Variants in PIGT observed in about 807,000 individuals in gnomAD.
PIGT encodes GPI-anchor transamidase component PIGT.
In PIGT, 57 loss-of-function variants were observed where a neutral mutation model predicts 66.7. That is an observed-to-expected ratio of 0.86 (90% CI 0.69 to 1.07). The LOEUF (loss-of-function observed/expected upper bound fraction) is 1.07. PIGT is among the 50% of genes least tolerant of loss of function. The pLI is 0.00. For missense variants in PIGT, 725 were observed against 740.4 expected, an observed-to-expected ratio of 0.98 and a Z score of 0.24; for synonymous variants, 362 against 320.5, an observed-to-expected ratio of 1.13 and a Z score of -1.38.
At chr20:45,421,736 G>A (rs1477837454) in intron 9 of PIGT, 153 bp downstream of exon 9, 5 of 639,328 alleles carry the variant, frequency 7.8e-6, no homozygotes, top group South Asian at 5.9e-5. Context: ...AAACTGGAAC[G>A]GGAGCCTCAC....
intron 9 of PIGT, chr20:45,423,634 C>G (rs935711996): frequency 4.6e-5 from 7 of 152,548 alleles, no homozygotes; most frequent in Non-Finnish European, 8.8e-5. Flanking sequence ...CAGAATGTCC[C>G]TTATTATAAA....
chr20:45,423,636 TA>T (rs1222549102), intron 9 of PIGT: 2 of 152,540 alleles, frequency 1.3e-5, no homozygotes, highest in Non-Finnish European at 2.9e-5. Flanking sequence ...GAATGTCCCT[TA>T]TTATAAATGT....
At position 45,419,489 on chromosome 20, in the gene PIGT, T is replaced by TTCCATCTCC; in HGVS notation, c.595-10_595-2dup. On this transcript the variant is annotated splice_polypyrimidine_tract_variant and intron_variant, in intron 4 of 11. Coordinates refer to ENST00000279036, the MANE Select transcript of PIGT (RefSeq NM_015937.6). ...TCCATACAGGGCTTCTCTTATCTCT[T>TTCCATCTCC]TCCATCTCCTCCAGGCAGGCCTCTC... 1 of 1,614,126 alleles carries TTCCATCTCC rather than the reference T, an allele frequency of 6.2e-7. No homozygotes were observed. The highest frequency in any genetic ancestry group is 8.5e-7 in the Non-Finnish European group (1 of 1,179,968).
Position 45,419,362 on chromosome 20 carries a change from C to T in PIGT, c.561C>T (p.Thr187=). Reference sequence around the variant, plus strand: ...AGGTGGTCTGCACCGAAAACCTCACCCCCTGGAAGAAGCTCTTGCCCTGTA... The same window carrying T: ...AGGTGGTCTGCACCGAAAACCTCACTCCCTGGAAGAAGCTCTTGCCCTGTA... The part of the protein sequence containing the change: ...PREVVCTENL[T]PWKKLLPCSS... Residue 187 remains threonine, a synonymous_variant, in exon 4 of 12, where the codon ACC becomes ACT. Transcript: ENST00000279036. 2.5e-6 allele frequency: 4 copies of T among 1,614,002 alleles called. No homozygotes were observed. Among genetic ancestry groups the T allele is most frequent in the Non-Finnish European group, 3.4e-6 (4 of 1,179,892 alleles).
chr20:45,422,811 T>G (rs1254451492), intron 9 of PIGT: 2 of 152,236 alleles, frequency 1.3e-5, no homozygotes, highest in African/African-American at 4.8e-5. Flanking sequence ...ACCGTATCAT[T>G]ACCACTTCTG....
intron 9 of PIGT, 134 bp downstream of exon 9, chr20:45,421,717 A>G: frequency 1.5e-6 from 1 of 687,552 alleles, no homozygotes; most frequent in Non-Finnish European, 2.5e-6. Context: ...AGTAAGGAAT[A>G]GTTTCTCAAA....
intron 2 of PIGT, 181 bp downstream of exon 2, chr20:45,416,875 T>C (rs921295941): frequency 9.5e-6 from 5 of 528,446 alleles, no homozygotes; most frequent in Admixed American, 7.5e-5. Context: ...ATCCTAAAAC[T>C]TTCAGACCTG....
intron 5 of PIGT, 72 bp from the exon 6 acceptor site, chr20:45,420,064 G>A: frequency 3.8e-6 from 4 of 1,049,484 alleles, no homozygotes; most frequent in South Asian, 2.7e-5. Context: ...TTGAGTCTGA[G>A]TAGGAGTCTT....
chr20:45,419,369 A>C lies in PIGT; in HGVS notation c.568A>C (p.Lys190Gln). 6.2e-7 allele frequency: 1 copy of C among 1,614,024 alleles called. No individual in the cohort carries two copies. The highest frequency in any genetic ancestry group is 8.5e-7 in the Non-Finnish European group (1 of 1,179,926). Residue 190 changes from lysine (K) to glutamine (Q), a missense_variant, in exon 4 of 12, where the codon AAG becomes CAG. By Grantham distance (53) the Lys-to-Gln change is moderately conservative (BLOSUM62 1). Around this residue, in one of 3 missense-constraint regions of PIGT, gnomAD observed 559 missense variants for 552.7 expected, o/e 1.01. Coordinates refer to ENST00000279036, the MANE Select transcript of PIGT (RefSeq NM_015937.6). ...VVCTENLTPW[K>Q]KLLPCSSKAG... The stretch of plus-strand genomic sequence containing the variant: ...CTGCACCGAAAACCTCACCCCCTGG[A>C]AGAAGCTCTTGCCCTGTAGTTCCAA...
In PIGT at chr20:45,426,013, A is replaced by G. The variant is rs2145478884; in HGVS notation, c.*187A>G. The G allele has an allele frequency of 4.6e-6, 3 of 655,652 alleles. No homozygotes were observed. The highest frequency in any genetic ancestry group is 7.7e-6 in the Non-Finnish European group (3 of 389,036). 40.6% of individuals were successfully genotyped at this position (655,652 alleles called of 1,614,324 possible). The stretch of plus-strand genomic sequence containing the variant: ...CAAATGTGGCATTTGAATTTGAATT[A>G]ACTTAGAAATTCATTTCCTCACCTG... On this transcript the variant is annotated 3_prime_UTR_variant, in exon 12 of 12. Transcript: ENST00000279036.
intron 2 of PIGT, chr20:45,417,742 C>G (rs1269964723): frequency 6.6e-6 from 1 of 152,144 alleles, no homozygotes. Context: ...GTTGTGCATA[C>G]CAAATGAAGC....
chr20:45,416,142 G>A lies in PIGT; in HGVS notation c.-15G>A, dbSNP rs1348585475. 3 of 1,545,328 alleles carry A rather than the reference G, an allele frequency of 1.9e-6. No homozygotes were observed. Among genetic ancestry groups the A allele is most frequent in the South Asian group, 1.2e-5 (1 of 83,996 alleles). On this transcript the variant is annotated 5_prime_UTR_variant, in exon 1 of 12. Coordinates refer to ENST00000279036, the MANE Select transcript of PIGT (RefSeq NM_015937.6). ...GGGGCCGAGCGCCGCTGGGTAGGCG[G>A]AAGTAGCCGCAGGCATGGCGGCGGC... is the stretch of plus-strand genomic sequence containing the variant.
intron 9 of PIGT, chr20:45,423,146 C>G (rs2145463467): frequency 7.3e-6 from 1 of 137,632 alleles, no homozygotes; most frequent in South Asian, 2.4e-4. Context: ...CTCACTGCAA[C>G]CTCCACCTCC....
At chr20:45,424,070 C>A in intron 9 of PIGT, 146 bp from the exon 10 acceptor site, 1 of 674,978 alleles carries the variant, frequency 1.5e-6, no homozygotes, top group African/African-American at 1.8e-5. Context: ...TTAGCCCCTG[C>A]TTTCTTCCCT....
Position 45,420,318 on chromosome 20 carries a change from GCT to G in PIGT, c.770-11_770-10del, listed in dbSNP as rs1568948876. 1 of 1,608,968 alleles carries G rather than the reference GCT, an allele frequency of 6.2e-7. No homozygotes were observed. The highest frequency in any genetic ancestry group is 8.5e-7 in the Non-Finnish European group (1 of 1,176,780). On this transcript the variant is annotated splice_polypyrimidine_tract_variant and intron_variant, in intron 6 of 11. Coordinates refer to ENST00000279036, the MANE Select transcript of PIGT (RefSeq NM_015937.6). The stretch of plus-strand genomic sequence containing the variant: ...AGGCCTGGCCCCTGCTCAGCCCTGC[GCT>G]CTGTTTCTCAGACTGGTCCCTCTTC...
At position 45,420,396 on chromosome 20, in the gene PIGT, C is replaced by T; in HGVS notation, c.834C>T (p.Ser278=). ...AGCCCTGCCCCCTGGCTTCAGAGAG[C>T]CGAGTCTATGTGGACATCACCACCT... ...LTEPCPLASE[S]RVYVDITTYN... is the part of the protein sequence containing the mutation. Residue 278 remains serine, a synonymous_variant, in exon 7 of 12, where the codon AGC becomes AGT. Transcript: ENST00000279036. 6.2e-7 allele frequency: 1 copy of T among 1,613,610 alleles called. No homozygotes were observed. Among genetic ancestry groups the T allele is most frequent in the Non-Finnish European group, 8.5e-7 (1 of 1,179,870 alleles).
intron 8 of PIGT, 156 bp from the exon 9 acceptor site, chr20:45,421,227 C>T (rs193196368): frequency 2.7e-5 from 17 of 628,218 alleles, no homozygotes; most frequent in African/African-American, 2.6e-4. Flanking sequence ...CTGGGGAAGA[C>T]AGGGATGATT....
rs1362621530 is a variant in PIGT at position 45,421,590 on chromosome 20, A to T, written c.1234+7A>T. On this transcript the variant is annotated splice_region_variant and intron_variant, in intron 9 of 11. Coordinates refer to ENST00000279036, the MANE Select transcript of PIGT (RefSeq NM_015937.6). The stretch of plus-strand genomic sequence containing the variant: ...GGCAAGGAGAACAAACCAAGTGAGG[A>T]CCTGAGTCCTGAACCAGGCCCCCAG... 9.9e-6 allele frequency: 16 copies of T among 1,613,314 alleles called. No individual in the cohort carries two copies. The highest frequency in any genetic ancestry group is 1.2e-5 in the Non-Finnish European group (14 of 1,179,320).
chr20:45,418,271 T>G (rs1199858089), intron 2 of PIGT: 1 of 176,508 alleles, frequency 5.7e-6, no homozygotes, highest in Non-Finnish European at 1.2e-5. Context: ...CCCAGCACAT[T>G]CAAGGAAGAT....
Sources: gnomAD v4.1 joint callset for allele counts on GRCh38, gnomAD v4.1.1 for gene constraint, gnomAD v4.1.1 regional missense constraint, MANE v1.5 for transcripts, NCBI Gene and HGNC (gene_info 2026-07-23, HGNC 2026-07-21) for gene names.